Variants in GRID2 observed in about 807,000 individuals in gnomAD.
GRID2 encodes the protein glutamate receptor ionotropic, delta-2.
Under a neutral mutation model 114.8 loss-of-function variants are expected in GRID2, and 33 were observed. The observed-to-expected ratio is 0.29, with a 90% CI of 0.22 to 0.38. The LOEUF (loss-of-function observed/expected upper bound fraction) is 0.38. GRID2 is among the 10% of genes least tolerant of loss of function. GRID2 has a pLI of 1.00. For synonymous variants in GRID2, 505 were observed against 449.9 expected (o/e 1.12, Z -1.55); for missense variants, 1,184 against 1,257.7 (o/e 0.94, Z 0.89).
At chr4:92,312,330 T>G (rs1485833412) in intron 1 of GRID2, among the ~76,000 whole-genome samples, 1 of 152,104 alleles carries the variant, frequency 6.6e-6, no homozygotes, top group Non-Finnish European at 1.5e-5. Flanking sequence ...TTTAGAAAGA[T>G]AACATTCTTT....
At chr4:93,208,511 A>G (rs1743077124) in intron 5 of GRID2, among the ~76,000 whole-genome samples, 1 of 151,952 alleles carries the variant, frequency 6.6e-6, no homozygotes, top group African/African-American at 2.4e-5. Flanking sequence ...TCATTCCCTT[A>G]TATATTATCT....
At chr4:93,580,703 C>G (rs867781765) in intron 13 of GRID2, among the ~76,000 whole-genome samples, 4 of 151,962 alleles carry the variant, frequency 2.6e-5, no homozygotes, top group African/African-American at 9.7e-5. Flanking sequence ...AAAACTGTCA[C>G]TGAGGAAAGT....
intron 3 of GRID2, among the ~76,000 whole-genome samples, chr4:93,086,707 A>G (rs976597205): frequency 5.9e-5 from 9 of 152,208 alleles, no homozygotes; most frequent in Non-Finnish European, 1.0e-4. Flanking sequence ...TGAATAAAAT[A>G]AACAAAAAGG....
intron 2 of GRID2, among the ~76,000 whole-genome samples, chr4:92,960,273 T>C (rs1207345747): frequency 1.3e-5 from 2 of 152,048 alleles, no homozygotes; most frequent in Non-Finnish European, 2.9e-5. Context: ...GTCAATTATA[T>C]TCAGTTCATT....
intron 4 of GRID2, among the ~76,000 whole-genome samples, chr4:93,141,976 G>T (rs962221603): frequency 2.0e-5 from 3 of 152,200 alleles, no homozygotes; most frequent in African/African-American, 7.2e-5. Context: ...GCTGCAGTGT[G>T]CTGGCTTATG....
intron 12 of GRID2, among the ~76,000 whole-genome samples, chr4:93,500,075 G>A (rs1206457360): frequency 2.0e-5 from 3 of 152,028 alleles, no homozygotes; most frequent in African/African-American, 7.2e-5. Flanking sequence ...ATAAATGGCA[G>A]CAGTATGTTT....
chr4:93,000,460 A>T (rs1268686887), intron 2 of GRID2, among the ~76,000 whole-genome samples: 4 of 151,538 alleles, frequency 2.6e-5, no homozygotes, highest in Non-Finnish European at 5.9e-5. Context: ...CTTTTATTTT[A>T]CTAGAAGAAA....
rs760335020 is a variant in GRID2, at chr4:93,292,158, T to C, written c.1245+53668T>C. Reference sequence around the variant, plus strand: ...AGAGGACAAATTTGAATGAAACTTATGTTGTACAATTCATCTGGTGTTTGC... The same window carrying C: ...AGAGGACAAATTTGAATGAAACTTACGTTGTACAATTCATCTGGTGTTTGC... On this transcript the variant is annotated intron_variant, in intron 8 of 15. Transcript: ENST00000282020. 7.2e-5 allele frequency among the ~76,000 whole-genome samples: 11 copies of C among 152,198 alleles called. 1 individual carries two copies. The highest frequency in any genetic ancestry group is 2.6e-4 in the Admixed American group (4 of 15,286).
chr4:92,812,957 T>C (rs1413895500), intron 2 of GRID2, among the ~76,000 whole-genome samples: 1 of 152,162 alleles, frequency 6.6e-6, no homozygotes, highest in Non-Finnish European at 1.5e-5. Context: ...TATGTCATTT[T>C]ATGACTTTGA....
Position 93,611,489 on chromosome 4 carries a change from C to T in GRID2, c.2194-14780C>T, listed in dbSNP as rs1398305711. Among the ~76,000 whole-genome samples, 320 of 134,900 alleles carry T rather than the reference C, an allele frequency of 2.4e-3. 2 individuals are homozygous for T. The highest frequency in any genetic ancestry group is 9.1e-3 in the African/African-American group (289 of 31,888). 88.5% of individuals were successfully genotyped at this position (134,900 alleles called of 152,430 possible). On this transcript the variant is annotated intron_variant, in intron 13 of 15. Transcript: ENST00000282020. ...TTCCCTCTACACACTGCTTTGAATG[C>T]GTCCCAGAGATTCTGGTATGTTGTG...
intron 6 of GRID2, among the ~76,000 whole-genome samples, chr4:93,218,780 C>A (rs529366332): frequency 3.4e-4 from 52 of 152,260 alleles, no homozygotes; most frequent in African/African-American, 1.2e-3. Context: ...AATTTACTCA[C>A]AGTTCCTCAG....
intron 3 of GRID2, among the ~76,000 whole-genome samples, chr4:93,087,483 G>A (rs143077315): frequency 1.9e-4 from 29 of 151,944 alleles, no homozygotes; most frequent in African/African-American, 6.5e-4. Flanking sequence ...TTTTTATTAC[G>A]GGTGAGATAA....
At chr4:92,977,921 G>A (rs1291170639) in intron 2 of GRID2, among the ~76,000 whole-genome samples, 1 of 152,176 alleles carries the variant, frequency 6.6e-6, no homozygotes, top group South Asian at 2.1e-4. Context: ...TTCACAGTAT[G>A]TGAAGATGCT....
chr4:93,130,823 A>G (rs1335558618), intron 4 of GRID2, among the ~76,000 whole-genome samples: 2 of 152,182 alleles, frequency 1.3e-5, no homozygotes, highest in African/African-American at 4.8e-5. Flanking sequence ...TTTATTCTGG[A>G]GATTGATGAT....
At chr4:93,729,648 C>T (rs1283871776) in intron 14 of GRID2, among the ~76,000 whole-genome samples, 8 of 151,864 alleles carry the variant, frequency 5.3e-5, no homozygotes, top group Non-Finnish European at 8.8e-5. Context: ...TAGGTTCAAG[C>T]GATTCTCCTC....
intron 14 of GRID2, among the ~76,000 whole-genome samples, chr4:93,708,556 T>G (rs1728204461): frequency 6.6e-6 from 1 of 152,004 alleles, no homozygotes; most frequent in Admixed American, 6.6e-5. Flanking sequence ...TCTATGTATC[T>G]CTATAGGCGA....
At chr4:93,728,155 A>G (rs375163161) in intron 14 of GRID2, among the ~76,000 whole-genome samples, 17 of 151,850 alleles carry the variant, frequency 1.1e-4, no homozygotes, top group Non-Finnish European at 1.9e-4. Flanking sequence ...ACACTGCTTT[A>G]AATGTGTCCC....
chr4:92,985,403 T>A (rs2149194573), intron 2 of GRID2, among the ~76,000 whole-genome samples: 1 of 151,970 alleles, frequency 6.6e-6, no homozygotes, highest in South Asian at 2.1e-4. Flanking sequence ...CCGGGCTAAA[T>A]TTTTTTGTAT....
chr4:92,789,472 C>G (rs1471859509), intron 2 of GRID2, among the ~76,000 whole-genome samples: 1 of 151,740 alleles, frequency 6.6e-6, no homozygotes, highest in East Asian at 1.9e-4. Context: ...TGTCTTTTAT[C>G]CTCTCTCACA....
Sources: gnomAD v4.1 joint callset for allele counts (sites outside exome capture counted in the v4.1 genomes callset) on GRCh38, gnomAD v4.1.1 for gene constraint, MANE v1.5 for transcripts, NCBI Gene and HGNC (gene_info 2026-07-23, HGNC 2026-07-21) for gene names.